CNTNAP2: variants seen among roughly 807,000 people sequenced by gnomAD.
The protein encoded by CNTNAP2 is contactin associated protein 2, also known as contactin-associated protein-like 2.
A neutral mutation model predicts 155.2 loss-of-function variants in CNTNAP2; 98 were observed. The observed-to-expected ratio is 0.63, with a 90% CI of 0.54 to 0.75. The LOEUF is 0.75. Among genes scored for constraint, CNTNAP2 ranks in the 30% least tolerant of loss-of-function variants. CNTNAP2 has a pLI of 0.00. For synonymous variants in CNTNAP2, 651 were observed against 631.2 expected, an observed-to-expected ratio of 1.03 and a Z score of -0.47; for missense variants, 1,727 against 1,688.1, an observed-to-expected ratio of 1.02 and a Z score of -0.40.
intron 13 of CNTNAP2, among the ~76,000 whole-genome samples, chr7:147,826,928 ATTTTTTT>A (rs34322489): frequency 8.1e-6 from 1 of 123,872 alleles, no homozygotes. Flanking sequence ...AGCTGAATAC[ATTTTTTT>A]TTTTTTTTTT....
intron 1 of CNTNAP2, among the ~76,000 whole-genome samples, chr7:146,440,494 G>A (rs1041672959): frequency 1.3e-5 from 2 of 151,424 alleles, no homozygotes; most frequent in East Asian, 1.9e-4. Flanking sequence ...ATAGCCTGAC[G>A]TTTAATGAAG....
intron 1 of CNTNAP2, among the ~76,000 whole-genome samples, chr7:146,421,164 C>T (rs1238271648): frequency 6.6e-6 from 1 of 152,008 alleles, no homozygotes; most frequent in Non-Finnish European, 1.5e-5. Context: ...TACATCTCCT[C>T]TTAAAATGAT....
rs529913319 is a variant in CNTNAP2, at chr7:146,541,414, T to C, written c.98-232857T>C. ...GATAATTTACTTTGGACAAAGATCTTTGGAGAAGCTTCATTATATTTTGAA... is the reference window on the plus strand; with the variant it reads ...GATAATTTACTTTGGACAAAGATCTCTGGAGAAGCTTCATTATATTTTGAA... On this transcript the variant is annotated intron_variant, in intron 1 of 23. Transcript: ENST00000361727. Among the ~76,000 whole-genome samples the C allele has an allele frequency of 1.1e-4, 16 of 152,124 alleles. No individual in the cohort carries two copies. In the East Asian group the frequency reaches 1.7e-3, roughly 17 times the overall value.
chr7:146,130,749 C>T (rs556997534), intron 1 of CNTNAP2, among the ~76,000 whole-genome samples: 1 of 152,264 alleles, frequency 6.6e-6, no homozygotes, highest in South Asian at 2.1e-4. Context: ...ACTCACAGTT[C>T]TGCATGGCTG....
At chr7:147,054,717 A>G (rs1359571353) in intron 4 of CNTNAP2, among the ~76,000 whole-genome samples, 4 of 152,182 alleles carry the variant, frequency 2.6e-5, no homozygotes, top group African/African-American at 7.2e-5. Flanking sequence ...TAAAAGTAAC[A>G]ACATAATAAA....
intron 10 of CNTNAP2, among the ~76,000 whole-genome samples, chr7:147,475,585 A>G (rs541022600): frequency 6.6e-6 from 1 of 152,094 alleles, no homozygotes; most frequent in Non-Finnish European, 1.5e-5. Context: ...CCATATTAAA[A>G]TATGCTTACC....
intron 15 of CNTNAP2, among the ~76,000 whole-genome samples, chr7:148,036,101 T>C (rs946389098): frequency 1.3e-5 from 2 of 152,230 alleles, no homozygotes; most frequent in African/African-American, 4.8e-5. Flanking sequence ...GGCTCATAGC[T>C]AGAGGGAAAT....
intron 13 of CNTNAP2, among the ~76,000 whole-genome samples, chr7:147,841,292 A>G (rs554036357): frequency 6.6e-6 from 1 of 152,338 alleles, no homozygotes; most frequent in African/African-American, 2.4e-5. Flanking sequence ...GACAGTGTTG[A>G]GAGAGGTAAT....
intron 1 of CNTNAP2, among the ~76,000 whole-genome samples, chr7:146,771,911 A>T (rs2129185455): frequency 1.3e-5 from 2 of 152,280 alleles, no homozygotes; most frequent in East Asian, 3.9e-4. Context: ...GAGCATAAAC[A>T]TTTGTGGGGA....
chr7:147,211,919 A>C (rs892361556), intron 8 of CNTNAP2, among the ~76,000 whole-genome samples: 1 of 152,022 alleles, frequency 6.6e-6, no homozygotes, highest in African/African-American at 2.4e-5. Context: ...AAACAACCCC[A>C]TTAAAAAGTG....
At chr7:147,838,901 G>A (rs908327095) in intron 13 of CNTNAP2, among the ~76,000 whole-genome samples, 8 of 151,958 alleles carry the variant, frequency 5.3e-5, no homozygotes, top group African/African-American at 1.2e-4. Flanking sequence ...CTGTATTAGG[G>A]TTCTCTAGAG....
chr7:147,105,216 G>T (rs982399630), intron 4 of CNTNAP2, among the ~76,000 whole-genome samples: 5 of 151,724 alleles, frequency 3.3e-5, no homozygotes, highest in African/African-American at 9.7e-5. Flanking sequence ...AGAAAGTGAA[G>T]ACTAAGGAAC....
intron 1 of CNTNAP2, among the ~76,000 whole-genome samples, chr7:146,330,634 T>A (rs1801169752): frequency 6.6e-6 from 1 of 152,136 alleles, no homozygotes; most frequent in Non-Finnish European, 1.5e-5. Flanking sequence ...AAACCATACA[T>A]ATATCTGGTT....
At chr7:147,537,026 CCT>C (rs1271544633) in intron 11 of CNTNAP2, among the ~76,000 whole-genome samples, 1 of 152,174 alleles carries the variant, frequency 6.6e-6, no homozygotes, top group Non-Finnish European at 1.5e-5. Context: ...CAACCAGTTT[CCT>C]GCCTGCTCTA....
chr7:147,198,167 C>A (rs1802843290), intron 8 of CNTNAP2, among the ~76,000 whole-genome samples: 1 of 150,742 alleles, frequency 6.6e-6, no homozygotes, highest in African/African-American at 2.4e-5. Flanking sequence ...GTTAACACTG[C>A]CTAAAGAAAA....
At chr7:147,123,731 AT>A (rs1801167330) in intron 6 of CNTNAP2, among the ~76,000 whole-genome samples, 1 of 152,134 alleles carries the variant, frequency 6.6e-6, no homozygotes, top group African/African-American at 2.4e-5. Flanking sequence ...CCCTTTGCTT[AT>A]TTGTTTAGAA....
intron 3 of CNTNAP2, among the ~76,000 whole-genome samples, chr7:146,995,932 T>G (rs1563036726): frequency 6.6e-6 from 1 of 152,070 alleles, no homozygotes; most frequent in African/African-American, 2.4e-5. Flanking sequence ...GAGGCATATT[T>G]AAAACAAAAC....
At chr7:146,382,920 A>G (rs1795411030) in intron 1 of CNTNAP2, among the ~76,000 whole-genome samples, 1 of 152,162 alleles carries the variant, frequency 6.6e-6, no homozygotes, top group Admixed American at 6.5e-5. Context: ...AAACCTTTGA[A>G]AATTAACTCC....
chr7:146,724,102 G>A (rs1028658713), intron 1 of CNTNAP2, among the ~76,000 whole-genome samples: 1 of 152,128 alleles, frequency 6.6e-6, no homozygotes, highest in African/African-American at 2.4e-5. Context: ...TCATATGCAA[G>A]ATATCAAAGG....
Sources: allele counts gnomAD v4.1 joint callset (sites outside exome capture counted in the v4.1 genomes callset), GRCh38; gene constraint gnomAD v4.1.1; transcripts MANE v1.5; gene names NCBI Gene and HGNC (gene_info 2026-07-23, HGNC 2026-07-21).